TRIM66: variants seen among roughly 807,000 people sequenced by gnomAD.
TRIM66 encodes the protein tripartite motif containing 66.
In TRIM66, 99 loss-of-function variants were observed where a neutral mutation model predicts 148.2. The observed-to-expected ratio is 0.67, with a 90% CI of 0.57 to 0.79. The LOEUF (loss-of-function observed/expected upper bound fraction) is 0.79, where lower values mean the gene tolerates loss of function less well. TRIM66 is among the 30% of genes least tolerant of loss of function. The pLI, the probability that TRIM66 is intolerant of heterozygous loss-of-function variation, is 0.00. For missense variants in TRIM66, 1,666 were observed against 1,697.9 expected, an observed-to-expected ratio of 0.98 and a Z score of 0.33; for synonymous variants, 616 against 635.9, an observed-to-expected ratio of 0.97 and a Z score of 0.47.
At chr11:8,635,317 T>A (rs866967133) in intron 15 of TRIM66, among the ~76,000 whole-genome samples, 3 of 152,062 alleles carry the variant, frequency 2.0e-5, no homozygotes, top group Admixed American at 6.6e-5. Context: ...GATAAAGAGA[T>A]AAAATGAAAT....
intron 6 of TRIM66, chr11:8,663,028 T>TA (rs2038363084): frequency 6.6e-6 from 1 of 152,242 alleles, no homozygotes; most frequent in African/African-American, 2.4e-5. Flanking sequence ...CCCAAGTAGA[T>TA]ATTCTCATTG....
At position 8,628,729 on chromosome 11, in the gene TRIM66, C is replaced by A. The variant is rs183292804; in HGVS notation, c.2311-3501G>T. ...CTCTGGGCTTACTCCCCTTCACTAT[C>A]TCTCATATTCTGTTCTATTTCTTTT... On this transcript the variant is annotated intron_variant, in intron 15 of 24. Transcript: ENST00000646038. Among the ~76,000 whole-genome samples, 347 of 151,220 alleles carry A rather than the reference C, an allele frequency of 2.3e-3. 1 individual carries two copies. The highest frequency in any genetic ancestry group is 6.8e-3 in the Middle Eastern group (2 of 292).
chr11:8,660,082 G>A (rs2038144445), intron 6 of TRIM66, among the ~76,000 whole-genome samples: 3 of 152,084 alleles, frequency 2.0e-5, no homozygotes, highest in South Asian at 2.1e-4. Flanking sequence ...GCCTTACTAT[G>A]TTGCCCAGGC....
intron 6 of TRIM66, among the ~76,000 whole-genome samples, chr11:8,656,367 G>A (rs536647589): frequency 9.9e-5 from 15 of 152,116 alleles, no homozygotes; most frequent in Non-Finnish European, 1.6e-4. Context: ...TTATTCAAAT[G>A]ACAGCCCTAC....
At chr11:8,633,279 G>A (rs938355290) in intron 15 of TRIM66, among the ~76,000 whole-genome samples, 1 of 151,990 alleles carries the variant, frequency 6.6e-6, no homozygotes, top group Non-Finnish European at 1.5e-5. Context: ...CCGAGATCGT[G>A]CCATTGCACT....
rs575594100 is a variant in TRIM66 at position 8,669,984 on chromosome 11, A to G, written c.340+1802T>C. ...GTAATAATCACAGTACCTGATGGGT[A>G]GTTTTTTGTTTTGTCTTGTTTTGTT... On this transcript the variant is annotated intron_variant, in intron 6 of 24. Coordinates refer to ENST00000646038, the MANE Select transcript of TRIM66 (RefSeq NM_001388022.1). 4.0e-5 allele frequency among the ~76,000 whole-genome samples: 6 copies of G among 150,682 alleles called. No homozygotes were observed. The East Asian group carries it at 1.2e-3, about 30-fold the overall frequency.
Position 8,640,662 on chromosome 11 carries a change from C to T in TRIM66, c.1713G>A (p.Gln571=), listed in dbSNP as rs1384770969. 25 of 1,551,490 alleles carry T rather than the reference C, an allele frequency of 1.6e-5. No homozygotes were observed. The highest frequency in any genetic ancestry group is 2.7e-5 in the African/African-American group (2 of 73,016). The change falls in exon 14 of 25, where the codon CAG becomes CAA. Residue 571 remains glutamine, a synonymous_variant. Transcript: ENST00000646038. The part of the protein sequence containing the change: ...PQDVQQGAHA[Q]PTLQTPSIQV... The stretch of plus-strand genomic sequence containing the variant: ...GGATAGAGGGTGTCTGTAAGGTGGG[C>T]TGGGCATGGGCTCCTTGCTGAACAT...
intron 6 of TRIM66, among the ~76,000 whole-genome samples, chr11:8,655,080 G>A (rs1310267358): frequency 6.6e-6 from 1 of 151,952 alleles, no homozygotes; most frequent in Non-Finnish European, 1.5e-5. Flanking sequence ...GGCTGATCTC[G>A]AACTCCTGAC....
At chr11:8,645,078 T>G (rs2036732748) in intron 12 of TRIM66, among the ~76,000 whole-genome samples, 2 of 152,130 alleles carry the variant, frequency 1.3e-5, no homozygotes, top group African/African-American at 4.8e-5. Flanking sequence ...GTTCCTGACT[T>G]TCTCTCTTCT....
chr11:8,626,021 T>A (rs1349181942), intron 15 of TRIM66, among the ~76,000 whole-genome samples: 9 of 152,226 alleles, frequency 5.9e-5, no homozygotes, highest in Non-Finnish European at 8.8e-5. Flanking sequence ...AATCATTGGA[T>A]AAGGCAGTAA....
intron 14 of TRIM66, among the ~76,000 whole-genome samples, chr11:8,639,349 G>A: frequency 6.6e-6 from 1 of 152,240 alleles, no homozygotes; most frequent in East Asian, 1.9e-4. Flanking sequence ...GTAGAGAAAA[G>A]AGGATAGAAC....
At chr11:8,657,376 C>T (rs769493435) in intron 6 of TRIM66, among the ~76,000 whole-genome samples, 4 of 152,146 alleles carry the variant, frequency 2.6e-5, no homozygotes, top group East Asian at 1.9e-4. Context: ...GATGCTCCTC[C>T]GCTAGTTCCA....
intron 18 of TRIM66, among the ~76,000 whole-genome samples, chr11:8,622,339 A>C (rs1296762410): frequency 9.8e-5 from 7 of 71,430 alleles, no homozygotes; most frequent in Admixed American, 1.4e-4. Flanking sequence ...ACACACACAC[A>C]ACACACACAC....
At chr11:8,620,397 AG>A in intron 21 of TRIM66, 48 bp downstream of exon 21, 1 of 1,548,852 alleles carries the variant, frequency 6.5e-7, no homozygotes, top group East Asian at 2.4e-5. Context: ...TGTAGGCAGA[AG>A]GGGGCTGCCA....
intron 12 of TRIM66, chr11:8,644,528 T>C: frequency 2.5e-6 from 1 of 407,442 alleles, no homozygotes; most frequent in South Asian, 1.8e-5. Context: ...CCCCTTCCTG[T>C]CCTCCCATCT....
chr11:8,673,850 G>C (rs1052646590), intron 4 of TRIM66, among the ~76,000 whole-genome samples: 2 of 152,184 alleles, frequency 1.3e-5, no homozygotes, highest in African/African-American at 2.4e-5. Flanking sequence ...TCTGGGTCTT[G>C]GTAATTATGC....
chr11:8,652,882 T>C (rs140011675), intron 6 of TRIM66, among the ~76,000 whole-genome samples: 89 of 152,362 alleles, frequency 5.8e-4, no homozygotes, highest in African/African-American at 2.1e-3. Context: ...GTCAGACAAA[T>C]GTAAGTCCAA....
intron 15 of TRIM66, among the ~76,000 whole-genome samples, chr11:8,632,779 T>A (rs748419276): frequency 1.3e-5 from 2 of 152,224 alleles, no homozygotes; most frequent in African/African-American, 4.8e-5. Context: ...TGATTTTTAA[T>A]GGCAAAGTTG....
intron 22 of TRIM66, 130 bp downstream of exon 22, chr11:8,619,920 C>T: frequency 1.1e-6 from 1 of 923,328 alleles, no homozygotes; most frequent in Admixed American, 2.4e-5. Flanking sequence ...AAGACAGTAG[C>T]AGGCACAAAA....
Sources: allele counts gnomAD v4.1 joint callset (sites outside exome capture counted in the v4.1 genomes callset), GRCh38; gene constraint gnomAD v4.1.1; transcripts MANE v1.5; gene names NCBI Gene and HGNC (gene_info 2026-07-23, HGNC 2026-07-21).